Variants in TENM1 observed in about 807,000 individuals in gnomAD.
TENM1 encodes the protein teneurin-1.
Under a neutral mutation model 174.8 loss-of-function variants are expected in TENM1, and 35 were observed. That is an observed-to-expected ratio of 0.20 (90% CI 0.15 to 0.27). TENM1 has a LOEUF of 0.27. Among genes scored for constraint, TENM1 ranks in the 10% least tolerant of loss-of-function variants. The pLI is 1.00. For missense variants in TENM1, 1,633 were observed against 2,130.1 expected (o/e 0.77, Z 4.59); for synonymous variants, 781 against 798.7 (o/e 0.98, Z 0.37).
chrX:124,875,210 T>TTG (rs968895714), intron 3 of TENM1, among the ~76,000 whole-genome samples: 4 of 111,142 alleles, frequency 3.6e-5, no homozygotes, highest in South Asian at 3.7e-4. Context: ...ATTATGATTT[T>TTG]TGTGTGTGTG....
intron 18 of TENM1, among the ~76,000 whole-genome samples, chrX:124,510,189 T>C (rs752334322): frequency 9.0e-6 from 1 of 111,643 alleles, no homozygotes; most frequent in Non-Finnish European, 1.9e-5. Flanking sequence ...ATAGATATCA[T>C]AGAGACTCAA....
At chrX:124,408,519 T>C (rs1308966906) in intron 25 of TENM1, among the ~76,000 whole-genome samples, 2 of 111,341 alleles carry the variant, frequency 1.8e-5, no homozygotes, top group African/African-American at 6.5e-5. Context: ...AGCTGCTGCA[T>C]GCCTTTCTTA....
chrX:124,514,085 C>T (rs1260045142), intron 18 of TENM1, among the ~76,000 whole-genome samples: 2 of 110,451 alleles, frequency 1.8e-5, no homozygotes, highest in Admixed American at 9.6e-5. Context: ...GGTAGTTGTA[C>T]AACCTTGTGA....
chrX:124,918,716 G>A (rs888405806), intron 1 of TENM1, among the ~76,000 whole-genome samples: 5 of 111,905 alleles, frequency 4.5e-5, no homozygotes, highest in African/African-American at 1.3e-4. Context: ...GACACTGTGC[G>A]AAGACCTATC....
At chrX:124,935,281 T>C (rs1353059260) in intron 1 of TENM1, among the ~76,000 whole-genome samples, 4 of 109,304 alleles carry the variant, frequency 3.7e-5, no homozygotes, top group African/African-American at 1.0e-4. Flanking sequence ...GCATAAAATA[T>C]TCTGTGGCCA....
chrX:125,018,808 G>T, the TENM1 span, among the ~76,000 whole-genome samples: 3 of 111,411 alleles, frequency 2.7e-5, no homozygotes, highest in African/African-American at 9.8e-5. Flanking sequence ...AGGCCTTATT[G>T]ACAAGCATAT....
intron 5 of TENM1, among the ~76,000 whole-genome samples, chrX:124,673,217 T>G (rs1052485155): frequency 9.0e-6 from 1 of 111,701 alleles, no homozygotes; most frequent in Non-Finnish European, 1.9e-5. Flanking sequence ...ATGATGTATC[T>G]GAGGCAAAAG....
At chrX:124,417,271 G>A (rs2060604344) in intron 25 of TENM1, among the ~76,000 whole-genome samples, 2 of 109,922 alleles carry the variant, frequency 1.8e-5, no homozygotes, top group Admixed American at 9.7e-5. Flanking sequence ...GTGCAGTGGC[G>A]CCATCTCAGC....
chrX:125,106,389 G>A, the TENM1 span, among the ~76,000 whole-genome samples: 41 of 108,161 alleles, frequency 3.8e-4, no homozygotes, highest in Non-Finnish European at 2.9e-4. Context: ...TAATCAATAC[G>A]TAAGTTTTAA....
intron 1 of TENM1, among the ~76,000 whole-genome samples, chrX:124,896,837 C>G (rs747430208): frequency 9.0e-6 from 1 of 111,601 alleles, no homozygotes; most frequent in Admixed American, 9.6e-5. Flanking sequence ...TGACTTTATG[C>G]TAATTATTCT....
chrX:124,653,803 A>G lies in TENM1; in HGVS notation c.1169-20T>C. On this transcript the variant is annotated intron_variant, in intron 6 of 31. Transcript: ENST00000422452. ...GAAACACTAGTTTTAAAGGTAGAGAAAATTACACACCATGTTAATCTTAAT... is the reference window on the plus strand; with the variant it reads ...GAAACACTAGTTTTAAAGGTAGAGAGAATTACACACCATGTTAATCTTAAT... 1 of 1,129,385 alleles carries G rather than the reference A, an allele frequency of 8.9e-7. No homozygotes were observed. The highest frequency in any genetic ancestry group is 1.2e-6 in the Non-Finnish European group (1 of 824,201). The allele number at this position is 1,129,385 out of a possible 1,213,427, so 93.1% of individuals were successfully genotyped here. A position where few individuals can be genotyped will look rare whatever the true frequency, so the allele number is the denominator to read the frequency against.
the TENM1 span, among the ~76,000 whole-genome samples, chrX:125,114,410 T>C: frequency 1.9e-5 from 2 of 103,621 alleles, no homozygotes; most frequent in Non-Finnish European, 3.9e-5. Flanking sequence ...CTGAAGGAGA[T>C]AGAGACACGA....
chrX:124,681,786 A>T (rs1316054417), intron 5 of TENM1, among the ~76,000 whole-genome samples: 1 of 111,904 alleles, frequency 8.9e-6, no homozygotes, highest in African/African-American at 3.2e-5. Context: ...GGTTGTTGTG[A>T]ACACTAAATG....
intron 14 of TENM1, among the ~76,000 whole-genome samples, chrX:124,554,790 A>G (rs924117785): frequency 1.8e-5 from 2 of 111,706 alleles, no homozygotes; most frequent in African/African-American, 3.3e-5. Context: ...CTACATCATA[A>G]AAGAGGCTTG....
chrX:124,762,114 T>A, intron 3 of TENM1, among the ~76,000 whole-genome samples: 1 of 112,033 alleles, frequency 8.9e-6, no homozygotes, highest in South Asian at 3.7e-4. Context: ...AGATAGCTGC[T>A]TCCTCGTTGT....
rs779119639 is a variant in TENM1, at chrX:124,960,704, A to G, written c.217+2833T>C. ...AGAACTGTCACCAGAATGCATTCTT[A>G]TTTCTACTCACAATATATTAGGTCA... On this transcript the variant is annotated intron_variant, in intron 1 of 31. Transcript: ENST00000422452. Among the ~76,000 whole-genome samples, 15 of 111,668 alleles carry G rather than the reference A, an allele frequency of 1.3e-4. No homozygotes were observed. In the East Asian group the frequency reaches 3.9e-3, roughly 29 times the overall value.
chrX:124,762,409 A>G (rs1466732688), intron 3 of TENM1, among the ~76,000 whole-genome samples: 1 of 112,486 alleles, frequency 8.9e-6, no homozygotes, highest in Non-Finnish European at 1.9e-5. Flanking sequence ...ATTCCATATT[A>G]TGTGTCATGC....
At chrX:124,939,182 G>A (rs894781950) in intron 1 of TENM1, among the ~76,000 whole-genome samples, 5 of 111,815 alleles carry the variant, frequency 4.5e-5, no homozygotes, top group Non-Finnish European at 9.4e-5. Flanking sequence ...ATCTTACTCC[G>A]CCAATGATAG....
chrX:124,719,665 G>T (rs2053265202), intron 4 of TENM1, among the ~76,000 whole-genome samples: 1 of 111,259 alleles, frequency 9.0e-6, no homozygotes, highest in Admixed American at 9.5e-5. Context: ...GTGCAAAGAA[G>T]AAACACATTG....
Sources: allele counts gnomAD v4.1 joint callset (sites outside exome capture counted in the v4.1 genomes callset), GRCh38; gene constraint gnomAD v4.1.1; transcripts MANE v1.5; gene names NCBI Gene and HGNC (gene_info 2026-07-23, HGNC 2026-07-21).